Variants in HECW2 observed in about 807,000 individuals in gnomAD.
HECW2 encodes HECT, C2 and WW domain containing E3 ubiquitin protein ligase 2, also known as E3 ubiquitin-protein ligase HECW2.
Under a neutral mutation model 175.2 loss-of-function variants are expected in HECW2, and 61 were observed. The observed-to-expected ratio is 0.35, with a 90% CI of 0.28 to 0.43. The LOEUF is 0.43. Among genes scored for constraint, HECW2 ranks in the 20% least tolerant of loss-of-function variants. The pLI is 1.00. For missense variants in HECW2, 1,524 were observed against 2,000.5 expected, an observed-to-expected ratio of 0.76 and a Z score of 4.54; for synonymous variants, 671 against 731.0, an observed-to-expected ratio of 0.92 and a Z score of 1.32.
At chr2:196,374,972 C>T (rs1315503551) in intron 2 of HECW2, among the ~76,000 whole-genome samples, 1 of 151,704 alleles carries the variant, frequency 6.6e-6, no homozygotes, top group African/African-American at 2.4e-5. Context: ...ACCAGCTTGG[C>T]CAACATGGTG....
chr2:196,504,111 C>G (rs1290585440), intron 1 of HECW2, among the ~76,000 whole-genome samples: 1 of 152,028 alleles, frequency 6.6e-6, no homozygotes, highest in African/African-American at 2.4e-5. Context: ...GCCTGGATAA[C>G]ATAGTGTAAC....
At chr2:196,501,231 G>A in intron 1 of HECW2, among the ~76,000 whole-genome samples, 1 of 152,016 alleles carries the variant, frequency 6.6e-6, no homozygotes, top group East Asian at 1.9e-4. Flanking sequence ...TTTAAATGTT[G>A]CATCATATTA....
intron 1 of HECW2, among the ~76,000 whole-genome samples, chr2:196,514,795 T>G (rs1043768478): frequency 6.6e-6 from 1 of 152,178 alleles, no homozygotes; most frequent in African/African-American, 2.4e-5. Context: ...TGAGAGCAGT[T>G]CTGCCACTCA....
Position 196,220,158 on chromosome 2 carries a change from G to A in HECW2, c.4294-5C>T. On this transcript the variant is annotated splice_region_variant and splice_polypyrimidine_tract_variant and intron_variant, in intron 25 of 28. Transcript: ENST00000644978. ...TACCAGCCTGGCATCCACCACCTGT[G>A]GAATAAAAAGAGTACAAGGCATGGC... The A allele has an allele frequency of 6.3e-7, 1 of 1,586,226 alleles. No individual in the cohort carries two copies. The highest frequency in any genetic ancestry group is 8.7e-7 in the Non-Finnish European group (1 of 1,155,690).
intron 15 of HECW2, among the ~76,000 whole-genome samples, chr2:196,278,152 A>ATATATATAT (rs1553489733): frequency 3.5e-4 from 42 of 119,934 alleles, no homozygotes; most frequent in Non-Finnish European, 4.4e-4. Context: ...ATATATATAT[A>ATATATATAT]AAGAAATTCC....
At chr2:196,314,356 G>C (rs1222057549) in intron 10 of HECW2, among the ~76,000 whole-genome samples, 1 of 152,164 alleles carries the variant, frequency 6.6e-6, no homozygotes, top group African/African-American at 2.4e-5. Flanking sequence ...GTGAGGCATT[G>C]GTGGTGCCCA....
intron 4 of HECW2, among the ~76,000 whole-genome samples, chr2:196,330,726 T>G (rs1175676795): frequency 1.1e-4 from 16 of 152,094 alleles, no homozygotes; most frequent in Non-Finnish European, 2.2e-4. Context: ...TTCTGTTAGG[T>G]CAGTTTAACA....
intron 1 of HECW2, among the ~76,000 whole-genome samples, chr2:196,480,604 A>G (rs1686808435): frequency 6.6e-6 from 1 of 152,242 alleles, no homozygotes; most frequent in Non-Finnish European, 1.5e-5. Context: ...AGAACTGGGA[A>G]GAGCACTGAA....
Position 196,306,544 on chromosome 2 carries a change from G to T in HECW2, c.2758C>A (p.Pro920Thr). Residue 920 changes from proline (P) to threonine (T), a missense_variant, in exon 13 of 29, where the codon CCC (proline) becomes ACC (threonine). Coordinates refer to ENST00000644978, the MANE Select transcript of HECW2 (RefSeq NM_001348768.2). ...GGGCTGATGAGGAACTTCACGGGGG[G>T]AGACTGTAACAGCAACGTGATCCTG... ...RSRITLLLQS[P>T]PVKFLISPEF... 6.2e-7 allele frequency: 1 copy of T among 1,612,958 alleles called. No individual in the cohort carries two copies.
At chr2:196,254,695 T>C (rs2105916007) in intron 18 of HECW2, among the ~76,000 whole-genome samples, 1 of 152,344 alleles carries the variant, frequency 6.6e-6, no homozygotes, top group East Asian at 1.9e-4. Context: ...TGTCAGTTTG[T>C]ACTCCAATAA....
chr2:196,478,101 A>C (rs1527783), intron 1 of HECW2, among the ~76,000 whole-genome samples: 2,784 of 152,094 alleles, frequency 0.018, 90 homozygotes, highest in African/African-American at 0.063. Flanking sequence ...ACAAAAAAAA[A>C]CTCACAGAGT....
At chr2:196,324,100 C>A (rs1454827102) in intron 6 of HECW2, among the ~76,000 whole-genome samples, 1 of 151,860 alleles carries the variant, frequency 6.6e-6, no homozygotes, top group South Asian at 2.1e-4. Flanking sequence ...CCCTGATATA[C>A]CTCTCTCCAA....
At position 196,220,097 on chromosome 2, in the gene HECW2, G is replaced by A. The variant is rs779698636; in HGVS notation, c.4350C>T (p.Ile1450=). Residue 1450 remains isoleucine, a synonymous_variant, in exon 26 of 29, where the codon ATC becomes ATT. Transcript: ENST00000644978. The part of the protein sequence containing the change: ...VFDARELELV[I]AGTAEIDLSD... ...TTAGGTCTATTTCAGCTGTGCCTGC[G>A]ATGACCAATTCCAGTTCTCTTGCAT... 5 of 1,613,610 alleles carry A rather than the reference G, an allele frequency of 3.1e-6. No homozygotes were observed. Among genetic ancestry groups the A allele is most frequent in the Admixed American group, 1.7e-5 (1 of 60,000 alleles).
At chr2:196,330,502 C>A (rs1692318485) in intron 4 of HECW2, among the ~76,000 whole-genome samples, 1 of 152,216 alleles carries the variant, frequency 6.6e-6, no homozygotes, top group Non-Finnish European at 1.5e-5. Flanking sequence ...GCAAACTTTA[C>A]TCAGGCTCTT....
chr2:196,506,902 A>T lies in HECW2; in HGVS notation c.-35-73444T>A, dbSNP rs569678491. On this transcript the variant is annotated intron_variant, in intron 1 of 28. Transcript: ENST00000644978. ...CCAAGCTGACTTATGACCCCCAGGT[A>T]TACAAAATTTTAAATACAGTATTAG... 6.9e-4 allele frequency among the ~76,000 whole-genome samples: 105 copies of T among 152,336 alleles called. 2 individuals carry two copies. Among genetic ancestry groups the T allele is most frequent in the Middle Eastern group, 3.4e-3 (1 of 294 alleles).
intron 9 of HECW2, among the ~76,000 whole-genome samples, chr2:196,318,019 A>G (rs1268506842): frequency 6.6e-6 from 1 of 152,254 alleles, no homozygotes; most frequent in Non-Finnish European, 1.5e-5. Flanking sequence ...CATAGCATAC[A>G]TTAATCTTCC....
intron 1 of HECW2, among the ~76,000 whole-genome samples, chr2:196,526,212 C>T (rs1688636963): frequency 2.7e-5 from 2 of 75,166 alleles, no homozygotes; most frequent in Non-Finnish European, 2.5e-5. Context: ...TCCCTTCTCG[C>T]TTCATTTCAT....
intron 1 of HECW2, among the ~76,000 whole-genome samples, chr2:196,552,238 T>C (rs1337241293): frequency 1.3e-5 from 2 of 152,214 alleles, no homozygotes; most frequent in Non-Finnish European, 2.9e-5. Flanking sequence ...TAAAGCTTTA[T>C]GGTTAAAGAA....
intron 1 of HECW2, among the ~76,000 whole-genome samples, chr2:196,495,697 T>C (rs1687368497): frequency 6.6e-6 from 1 of 152,188 alleles, no homozygotes; most frequent in Non-Finnish European, 1.5e-5. Flanking sequence ...ACTAGCTGTA[T>C]GACTTTGGAC....
Sources: gnomAD v4.1 joint callset for allele counts (sites outside exome capture counted in the v4.1 genomes callset) on GRCh38, gnomAD v4.1.1 for gene constraint, MANE v1.5 for transcripts, NCBI Gene and HGNC (gene_info 2026-07-23, HGNC 2026-07-21) for gene names.